The following SPAG16 variants were observed in gnomAD, a reference collection of about 807,000 sequenced individuals.
The protein encoded by SPAG16 is sperm associated antigen 16.
In SPAG16, 86 loss-of-function variants were observed where a neutral mutation model predicts 80.4. The observed-to-expected ratio is 1.07, with a 90% CI of 0.90 to 1.28. SPAG16 has a LOEUF of 1.28. Among genes scored for constraint, SPAG16 ranks in the 50% most tolerant of loss-of-function variants. The pLI, the probability that SPAG16 is intolerant of heterozygous loss-of-function variation, is 0.00. For missense variants in SPAG16, 870 were observed against 765.3 expected (o/e 1.14, Z -1.61); for synonymous variants, 294 against 265.9 (o/e 1.11, Z -1.03).
chr2:213,907,405 G>C (rs2077473915), intron 11 of SPAG16, among the ~76,000 whole-genome samples: 1 of 151,414 alleles, frequency 6.6e-6, no homozygotes, highest in Non-Finnish European at 1.5e-5. Flanking sequence ...GCAGAGAAAA[G>C]GAAATTTATA....
intron 15 of SPAG16, among the ~76,000 whole-genome samples, chr2:214,361,953 C>A (rs1211197728): frequency 6.6e-6 from 1 of 151,792 alleles, no homozygotes; most frequent in Non-Finnish European, 1.5e-5. Context: ...AGGCAATAGG[C>A]CTTTCATCTT....
chr2:214,328,821 GATAATA>G (rs932504174), intron 15 of SPAG16, among the ~76,000 whole-genome samples: 7 of 152,038 alleles, frequency 4.6e-5, no homozygotes, highest in African/African-American at 2.4e-5. Flanking sequence ...ATGTACATGT[GATAATA>G]ATAATAAAAG....
intron 13 of SPAG16, among the ~76,000 whole-genome samples, chr2:214,078,796 G>A (rs1576094579): frequency 6.6e-6 from 1 of 152,168 alleles, no homozygotes; most frequent in East Asian, 1.9e-4. Context: ...ATTTCTCTAT[G>A]AAATTAAGAA....
rs888522412 is a variant in SPAG16, at chr2:213,775,603, T to C, written c.1071-86882T>C. ...TATTCATCTTACATAACTGAAACACTGTACACTTTGACTGATGCCTCACTG... is the reference window on the plus strand; with the variant it reads ...TATTCATCTTACATAACTGAAACACCGTACACTTTGACTGATGCCTCACTG... On this transcript the variant is annotated intron_variant, in intron 10 of 15. Coordinates refer to ENST00000331683, the MANE Select transcript of SPAG16 (RefSeq NM_024532.5). Among the ~76,000 whole-genome samples, 60 of 152,228 alleles carry C rather than the reference T, an allele frequency of 3.9e-4. 2 individuals carry two copies. Among genetic ancestry groups the C allele is most frequent in the Admixed American group, 2.0e-4 (3 of 15,288 alleles).
chr2:213,767,523 A>G (rs1427432223), intron 10 of SPAG16, among the ~76,000 whole-genome samples: 4 of 152,046 alleles, frequency 2.6e-5, no homozygotes, highest in Non-Finnish European at 4.4e-5. Context: ...AAAATAAATT[A>G]GCCAGGCGGT....
At chr2:213,932,147 CATATATATATATATATAT>C (rs61264162) in intron 12 of SPAG16, among the ~76,000 whole-genome samples, 1,725 of 30,378 alleles carry the variant, frequency 0.057, 30 homozygotes, top group Admixed American at 0.068. Context: ...CTTGATACTG[CATATATATATATATATAT>C]ATATATATAT....
At position 213,517,024 on chromosome 2, in the gene SPAG16, G is replaced by C. The variant is rs1370563954; in HGVS notation, c.1070+26934G>C. Among the ~76,000 whole-genome samples the C allele has an allele frequency of 5.3e-5, 8 of 152,248 alleles. 1 individual carries two copies. Among genetic ancestry groups the C allele is most frequent in the Middle Eastern group, 3.4e-3 (1 of 294 alleles). ...TTGAAATAGGAAAATAAGTCAAACTGTCTCTTCACTGATGATATGATTCTA... is the reference window on the plus strand; with the variant it reads ...TTGAAATAGGAAAATAAGTCAAACTCTCTCTTCACTGATGATATGATTCTA... On this transcript the variant is annotated intron_variant, in intron 10 of 15. Transcript: ENST00000331683.
intron 9 of SPAG16, among the ~76,000 whole-genome samples, chr2:213,449,592 C>A (rs2071564889): frequency 6.6e-6 from 1 of 152,156 alleles, no homozygotes; most frequent in Admixed American, 6.5e-5. Context: ...AGCTGGCTGA[C>A]ACTTATGGAA....
Position 213,408,117 on chromosome 2 carries a change from G to A in SPAG16, c.942+32998G>A, listed in dbSNP as rs559634043. 7.6e-4 allele frequency among the ~76,000 whole-genome samples: 103 copies of A among 135,180 alleles called. 1 individual carries two copies. The highest frequency in any genetic ancestry group is 2.9e-3 in the African/African-American group (102 of 35,366). The allele number at this position is 135,180 out of a possible 152,430, so 88.7% of individuals were successfully genotyped here. ...GAAGTAGTAAAAAAACAAAAACAAA[G>A]AAAAAAAAACAAAAAAACCAGTGTA... is the stretch of plus-strand genomic sequence containing the variant. On this transcript the variant is annotated intron_variant, in intron 9 of 15. Transcript: ENST00000331683.
At chr2:213,945,014 G>A (rs1469665830) in intron 12 of SPAG16, among the ~76,000 whole-genome samples, 1 of 152,008 alleles carries the variant, frequency 6.6e-6, no homozygotes, top group African/African-American at 2.4e-5. Flanking sequence ...CTCCAGCCTA[G>A]GCAACAGAGC....
chr2:213,908,895 G>T (rs958326681), intron 11 of SPAG16, among the ~76,000 whole-genome samples: 1 of 151,574 alleles, frequency 6.6e-6, no homozygotes, highest in Non-Finnish European at 1.5e-5. Flanking sequence ...TTAGCATTAG[G>T]TATATCTCCT....
rs781371483 is a variant in SPAG16 at position 214,013,218 on chromosome 2, A to G, written c.1401-733A>G. 1.4e-4 allele frequency among the ~76,000 whole-genome samples: 20 copies of G among 147,608 alleles called. 1 individual carries two copies. Among genetic ancestry groups the G allele is most frequent in the Middle Eastern group, 7.1e-3 (2 of 282 alleles). ...TTTGGTTTAAGTAATTAATCGGTGC[A>G]TTAATAATTGTACATATGGGGTACA... On this transcript the variant is annotated intron_variant, in intron 12 of 15. Transcript: ENST00000331683.
At chr2:213,413,359 G>A (rs1016114876) in intron 9 of SPAG16, among the ~76,000 whole-genome samples, 3 of 152,006 alleles carry the variant, frequency 2.0e-5, no homozygotes, top group African/African-American at 7.2e-5. Flanking sequence ...ACAAAATCCA[G>A]TAATAGTTTT....
At chr2:213,599,857 A>G (rs1264526146) in intron 10 of SPAG16, among the ~76,000 whole-genome samples, 1 of 152,126 alleles carries the variant, frequency 6.6e-6, no homozygotes, top group Non-Finnish European at 1.5e-5. Context: ...GCCTGCCACC[A>G]TGACCGGCTA....
intron 9 of SPAG16, among the ~76,000 whole-genome samples, chr2:213,429,265 GA>G (rs1287861125): frequency 6.6e-6 from 1 of 152,042 alleles, no homozygotes; most frequent in Admixed American, 6.6e-5. Context: ...CGTTGCTCCT[GA>G]ATTCCCACCA....
At position 213,924,369 on chromosome 2, in the gene SPAG16, C is replaced by G. The variant is rs1027554424; in HGVS notation, c.1215-5591C>G. ...ATGAATCTCCTGGGGAGCTCTCACT[C>G]TCTCACCCTTTCCCATTTTTGTAGA... On this transcript the variant is annotated intron_variant, in intron 11 of 15. Coordinates refer to ENST00000331683, the MANE Select transcript of SPAG16 (RefSeq NM_024532.5). Among the ~76,000 whole-genome samples the G allele has an allele frequency of 3.3e-5, 5 of 152,312 alleles. No individual in the cohort carries two copies. In the South Asian group the frequency reaches 8.3e-4, roughly 25 times the overall value.
intron 11 of SPAG16, among the ~76,000 whole-genome samples, chr2:213,884,617 C>G (rs1438180530): frequency 6.6e-6 from 1 of 152,178 alleles, no homozygotes; most frequent in African/African-American, 2.4e-5. Context: ...CTCTCCTTCT[C>G]TCTCAGGAAT....
At chr2:213,915,533 T>A (rs2077916843) in intron 11 of SPAG16, among the ~76,000 whole-genome samples, 1 of 152,168 alleles carries the variant, frequency 6.6e-6, no homozygotes, top group South Asian at 2.1e-4. Flanking sequence ...TCTCATTGAC[T>A]GGTATTTGGG....
chr2:213,876,968 A>G (rs2076165339), intron 11 of SPAG16, among the ~76,000 whole-genome samples: 2 of 152,210 alleles, frequency 1.3e-5, no homozygotes, highest in South Asian at 2.1e-4. Context: ...AAGAGAAAAC[A>G]TGCTTAGCAA....
Sources: gnomAD v4.1 joint callset for allele counts (sites outside exome capture counted in the v4.1 genomes callset) on GRCh38, gnomAD v4.1.1 for gene constraint, MANE v1.5 for transcripts, NCBI Gene and HGNC (gene_info 2026-07-23, HGNC 2026-07-21) for gene names.